Variants in DACH1 observed in about 807,000 individuals in gnomAD.
The protein encoded by DACH1 is dachshund homolog 1.
Under a neutral mutation model 54.2 loss-of-function variants are expected in DACH1, and 12 were observed. The observed-to-expected ratio is 0.22, with a 90% CI of 0.14 to 0.36. The LOEUF (loss-of-function observed/expected upper bound fraction) is 0.36, where lower values mean the gene tolerates loss of function less well. Among genes scored for constraint, DACH1 ranks in the 10% least tolerant of loss-of-function variants. The pLI is 1.00. For synonymous variants in DACH1, 386 were observed against 366.2 expected (o/e 1.05, Z -0.62); for missense variants, 805 against 929.8 (o/e 0.87, Z 1.75).
At chr13:71,472,885 T>C (rs1231690099) in intron 10 of DACH1, among the ~76,000 whole-genome samples, 1 of 152,254 alleles carries the variant, frequency 6.6e-6, no homozygotes, top group African/African-American at 2.4e-5. Flanking sequence ...TCACAGTTAA[T>C]TGTATTCTGT....
At chr13:71,811,905 T>C (rs1887728828) in intron 1 of DACH1, among the ~76,000 whole-genome samples, 1 of 152,246 alleles carries the variant, frequency 6.6e-6, no homozygotes. Context: ...CTTATGTATT[T>C]ATAAGTTAAA....
At chr13:71,503,421 T>G (rs1204840929) in intron 6 of DACH1, among the ~76,000 whole-genome samples, 13 of 152,170 alleles carry the variant, frequency 8.5e-5, no homozygotes, top group Non-Finnish European at 1.2e-4. Flanking sequence ...ATAGATAAAT[T>G]TTAGTTGTAG....
chr13:71,815,435 T>C (rs1431496186), intron 1 of DACH1, among the ~76,000 whole-genome samples: 4 of 152,156 alleles, frequency 2.6e-5, no homozygotes, highest in African/African-American at 9.7e-5. Flanking sequence ...GCACTTTTTC[T>C]TACATATAGA....
At chr13:71,645,848 A>G (rs1594038514) in intron 2 of DACH1, among the ~76,000 whole-genome samples, 1 of 152,176 alleles carries the variant, frequency 6.6e-6, no homozygotes, top group African/African-American at 2.4e-5. Context: ...AATAGAACAC[A>G]GTTCTTTGAT....
At chr13:71,547,709 C>T (rs1041908931) in intron 6 of DACH1, among the ~76,000 whole-genome samples, 1 of 152,096 alleles carries the variant, frequency 6.6e-6, no homozygotes, top group Non-Finnish European at 1.5e-5. Context: ...TTCAAAATAT[C>T]ATCAGGTTAC....
intron 1 of DACH1, among the ~76,000 whole-genome samples, chr13:71,777,831 A>C (rs1462459974): frequency 6.6e-6 from 1 of 152,044 alleles, no homozygotes; most frequent in Admixed American, 6.6e-5. Context: ...TCAATAAATT[A>C]TAAGGCCAGG....
intron 1 of DACH1, among the ~76,000 whole-genome samples, chr13:71,865,459 C>A (rs1023275512): frequency 1.3e-5 from 2 of 152,148 alleles, no homozygotes; most frequent in African/African-American, 4.8e-5. Flanking sequence ...CCCGGGACAC[C>A]GCTCGGCGCC....
chr13:71,585,259 A>T (rs959016166), intron 3 of DACH1, among the ~76,000 whole-genome samples: 2 of 152,206 alleles, frequency 1.3e-5, no homozygotes, highest in African/African-American at 4.8e-5. Flanking sequence ...AGGATGAAAA[A>T]GAATTTTCTC....
intron 1 of DACH1, among the ~76,000 whole-genome samples, chr13:71,689,781 T>G (rs1444285401): frequency 6.6e-6 from 1 of 152,172 alleles, no homozygotes; most frequent in Non-Finnish European, 1.5e-5. Context: ...TATTAAGTGT[T>G]AAAAATTAAT....
chr13:71,826,368 C>G (rs1237093948), intron 1 of DACH1, among the ~76,000 whole-genome samples: 1 of 152,070 alleles, frequency 6.6e-6, no homozygotes, highest in South Asian at 2.1e-4. Context: ...TCTCCCAGTA[C>G]TCTACCTCAA....
intron 3 of DACH1, among the ~76,000 whole-genome samples, chr13:71,612,823 G>A (rs904536746): frequency 2.0e-5 from 3 of 152,186 alleles, no homozygotes; most frequent in Non-Finnish European, 1.5e-5. Context: ...GCATCTAGAG[G>A]AATTCCATGA....
At chr13:71,591,227 A>G (rs367802233) in intron 3 of DACH1, among the ~76,000 whole-genome samples, 7 of 151,640 alleles carry the variant, frequency 4.6e-5, no homozygotes, top group African/African-American at 1.5e-4. Context: ...CCTTCACACT[A>G]CTTCCACTGA....
chr13:71,479,404 C>A, intron 7 of DACH1, 88 bp from the exon 8 acceptor site: 2 of 1,339,266 alleles, frequency 1.5e-6, no homozygotes, highest in South Asian at 1.4e-5. Flanking sequence ...AGCAAAGAAC[C>A]CAGTGATCAA....
intron 7 of DACH1, among the ~76,000 whole-genome samples, chr13:71,485,134 G>A (rs899282482): frequency 2.6e-5 from 4 of 151,214 alleles, no homozygotes; most frequent in South Asian, 2.1e-4. Flanking sequence ...CATGTTTGAC[G>A]GTGTCATATC....
intron 4 of DACH1, among the ~76,000 whole-genome samples, chr13:71,564,381 C>A (rs980877459): frequency 6.6e-6 from 1 of 151,346 alleles, no homozygotes; most frequent in African/African-American, 2.4e-5. Context: ...ATCAACTTTA[C>A]CAATCAATAA....
At chr13:71,583,308 T>C (rs1295850837) in intron 3 of DACH1, among the ~76,000 whole-genome samples, 1 of 152,126 alleles carries the variant, frequency 6.6e-6, no homozygotes, top group Non-Finnish European at 1.5e-5. Context: ...TCATTTTTGT[T>C]TCTTTTTTGC....
At position 71,739,425 on chromosome 13, in the gene DACH1, TAA is replaced by T. The variant is rs532525995; in HGVS notation, c.849-57517_849-57516del. Among the ~76,000 whole-genome samples the T allele has an allele frequency of 1.6e-4, 24 of 152,286 alleles. 1 individual carries two copies. In the South Asian group the frequency reaches 4.8e-3, roughly 30 times the overall value. ...GTAAGCATCTTTAAAAAATTGAAATTAAAGAGATGAAAGTAATTTAACAATAT... is the reference window on the plus strand; with the variant it reads ...GTAAGCATCTTTAAAAAATTGAAATTAGAGATGAAAGTAATTTAACAATAT... On this transcript the variant is annotated intron_variant, in intron 1 of 10. Transcript: ENST00000613252.
intron 1 of DACH1, among the ~76,000 whole-genome samples, chr13:71,723,338 C>T (rs982455177): frequency 1.3e-5 from 2 of 152,044 alleles, no homozygotes; most frequent in Admixed American, 6.6e-5. Context: ...CACTTGACCC[C>T]AGAAGGTTGA....
At chr13:71,689,272 A>G (rs754032127) in intron 1 of DACH1, among the ~76,000 whole-genome samples, 57 of 152,190 alleles carry the variant, frequency 3.7e-4, no homozygotes, top group African/African-American at 5.5e-4. Context: ...CTTTACCCTT[A>G]CATCACACCA....
Sources: allele counts gnomAD v4.1 joint callset (sites outside exome capture counted in the v4.1 genomes callset), GRCh38; gene constraint gnomAD v4.1.1; transcripts MANE v1.5; gene names NCBI Gene and HGNC (gene_info 2026-07-23, HGNC 2026-07-21).